Variants in ATXN1 observed in about 807,000 individuals in gnomAD.
The protein encoded by ATXN1 is ataxin-1.
In ATXN1, 8 loss-of-function variants were observed where a neutral mutation model predicts 56.4. The observed-to-expected ratio is 0.14, with a 90% confidence interval of 0.08 to 0.26. ATXN1 has a LOEUF of 0.26. ATXN1 is among the 10% of genes least tolerant of loss of function. ATXN1 has a pLI of 1.00. For missense variants in ATXN1, 987 were observed against 1,106.5 expected (o/e 0.89, Z 1.53); for synonymous variants, 514 against 494.6 (o/e 1.04, Z -0.52).
chr6:16,454,121 GTC>G lies in ATXN1; in HGVS notation c.-161+31849_-161+31850del, dbSNP rs36070865. ...GCCTGGGCAATAAGAGCGAGACTCT[GTC>G]TCAAAAAAAAAAAAAAAAAAAAAAA... On this transcript the variant is annotated intron_variant, in intron 6 of 7. Coordinates refer to ENST00000436367, the MANE Select transcript of ATXN1 (RefSeq NM_001128164.2). Among the ~76,000 whole-genome samples the G allele has an allele frequency of 4.0e-3, 283 of 70,954 alleles. 6 individuals are homozygous for G. The highest frequency in any genetic ancestry group is 0.019 in the Middle Eastern group (2 of 104). 46.5% of individuals were successfully genotyped at this position (70,954 alleles called of 152,430 possible).
In ATXN1 at chr6:16,534,878, G is replaced by A. The variant is rs114920290; in HGVS notation, c.-360-12190C>T. Among the ~76,000 whole-genome samples, 391 of 152,300 alleles carry A rather than the reference G, an allele frequency of 2.6e-3. 2 individuals carry two copies. Among genetic ancestry groups the A allele is most frequent in the African/African-American group, 8.9e-3 (369 of 41,574 alleles). ...TCTTTGAATGCTCTTAGGCTAGGTCGCACCAGCCCTTCTGTATTCTGATTT... is the reference window on the plus strand; with the variant it reads ...TCTTTGAATGCTCTTAGGCTAGGTCACACCAGCCCTTCTGTATTCTGATTT... On this transcript the variant is annotated intron_variant, in intron 4 of 7. Coordinates refer to ENST00000436367, the MANE Select transcript of ATXN1 (RefSeq NM_001128164.2).
intron 2 of ATXN1, among the ~76,000 whole-genome samples, chr6:16,687,570 C>T (rs1181896456): frequency 2.7e-5 from 4 of 149,248 alleles, no homozygotes; most frequent in South Asian, 2.1e-4. Context: ...AGTTTAGAAA[C>T]GGATTTAGAA....
chr6:16,584,243 TACACACACACAC>T (rs368108414), intron 4 of ATXN1, among the ~76,000 whole-genome samples: 5 of 118,498 alleles, frequency 4.2e-5, no homozygotes, highest in African/African-American at 1.3e-4. Context: ...TATATATATA[TACACACACACAC>T]ACACACACAC....
At chr6:16,521,641 G>C (rs1388591094) in intron 5 of ATXN1, among the ~76,000 whole-genome samples, 2 of 152,208 alleles carry the variant, frequency 1.3e-5, no homozygotes, top group African/African-American at 4.8e-5. Flanking sequence ...TTCAATATAG[G>C]AACCCTGTTA....
chr6:16,367,559 C>T (rs971042865), intron 6 of ATXN1, among the ~76,000 whole-genome samples: 3 of 152,152 alleles, frequency 2.0e-5, no homozygotes, highest in Non-Finnish European at 4.4e-5. Context: ...CAGAAACATG[C>T]GATCACGGCT....
chr6:16,700,640 A>C (rs925341817), intron 2 of ATXN1, among the ~76,000 whole-genome samples: 1 of 152,078 alleles, frequency 6.6e-6, no homozygotes, highest in Non-Finnish European at 1.5e-5. Flanking sequence ...CCCCAGCTTC[A>C]GCCTCCTTTG....
chr6:16,408,066 T>C (rs1409427355), intron 6 of ATXN1, among the ~76,000 whole-genome samples: 1 of 152,042 alleles, frequency 6.6e-6, no homozygotes, highest in Admixed American at 6.5e-5. Flanking sequence ...ACATTAGGAA[T>C]ATCTACCAAC....
At chr6:16,519,403 C>A (rs974434080) in intron 5 of ATXN1, among the ~76,000 whole-genome samples, 1 of 152,126 alleles carries the variant, frequency 6.6e-6, no homozygotes, top group Admixed American at 6.5e-5. Context: ...AATGTGAAAG[C>A]CCCAACCACA....
At chr6:16,416,971 G>A (rs1039201862) in intron 6 of ATXN1, among the ~76,000 whole-genome samples, 5 of 152,116 alleles carry the variant, frequency 3.3e-5, no homozygotes, top group African/African-American at 1.2e-4. Context: ...TAAATCCTGG[G>A]GCTCAACAGG....
intron 4 of ATXN1, among the ~76,000 whole-genome samples, chr6:16,579,205 T>C (rs966252599): frequency 2.0e-5 from 3 of 152,106 alleles, no homozygotes; most frequent in African/African-American, 7.2e-5. Context: ...GTTTGTTTTA[T>C]TGTCTATCCT....
chr6:16,559,856 A>G (rs1000512927), intron 4 of ATXN1, among the ~76,000 whole-genome samples: 1 of 148,226 alleles, frequency 6.7e-6, no homozygotes, highest in African/African-American at 2.5e-5. Flanking sequence ...AGTATGTTTA[A>G]TAAAAAAAAA....
chr6:16,592,014 G>T (rs781453448), intron 3 of ATXN1, among the ~76,000 whole-genome samples: 1 of 152,048 alleles, frequency 6.6e-6, no homozygotes, highest in Admixed American at 6.6e-5. Context: ...TTCCCCAGGG[G>T]CCCCTGGGTG....
At chr6:16,638,965 G>C (rs1012469032) in intron 3 of ATXN1, among the ~76,000 whole-genome samples, 6 of 152,164 alleles carry the variant, frequency 3.9e-5, no homozygotes, top group African/African-American at 1.4e-4. Flanking sequence ...GGGTCGAGTG[G>C]GGACTTGGAG....
chr6:16,331,054 GCAATGTGC>G (rs1304922124), intron 6 of ATXN1, among the ~76,000 whole-genome samples: 1 of 152,262 alleles, frequency 6.6e-6, no homozygotes, highest in Admixed American at 6.5e-5. Flanking sequence ...AGGCTGGAGG[GCAATGTGC>G]CAATCTCGGC....
At chr6:16,478,437 G>A (rs1581789572) in intron 6 of ATXN1, among the ~76,000 whole-genome samples, 1 of 152,356 alleles carries the variant, frequency 6.6e-6, no homozygotes, top group Middle Eastern at 3.4e-3. Flanking sequence ...CATTGAGGTT[G>A]CCAAACAGAA....
chr6:16,302,940 C>T lies in ATXN1; in HGVS notation c.*3389G>A, dbSNP rs1760147022. 1 of 152,646 alleles carries T rather than the reference C, an allele frequency of 6.6e-6. No homozygotes were observed. Among genetic ancestry groups the T allele is most frequent in the African/African-American group, 2.4e-5 (1 of 41,456 alleles). 9.5% of individuals were successfully genotyped at this position (152,646 alleles called of 1,614,324 possible). ...GCTGCTCTGGGAGCCTCGGGGCCCG[C>T]CAACGTCTGCAAACAGGAGGCTCCT... On this transcript the variant is annotated 3_prime_UTR_variant, in exon 8 of 8. Transcript: ENST00000436367.
intron 6 of ATXN1, among the ~76,000 whole-genome samples, chr6:16,371,148 C>T (rs1698731158): frequency 6.6e-6 from 1 of 152,034 alleles, no homozygotes. Context: ...TGCATACCAT[C>T]GTCTAAGAAT....
intron 6 of ATXN1, chr6:16,432,420 G>A (rs1210623747): frequency 1.3e-5 from 2 of 152,186 alleles, no homozygotes; most frequent in Non-Finnish European, 2.9e-5. Flanking sequence ...TATACTAAAT[G>A]TCAATTTCCT....
intron 7 of ATXN1, among the ~76,000 whole-genome samples, chr6:16,319,466 A>G (rs1760595084): frequency 6.6e-6 from 1 of 152,190 alleles, no homozygotes; most frequent in Non-Finnish European, 1.5e-5. Context: ...CAAATAGTTG[A>G]TGCATAAGGG....
Sources: gnomAD v4.1 joint callset for allele counts (sites outside exome capture counted in the v4.1 genomes callset) on GRCh38, gnomAD v4.1.1 for gene constraint, MANE v1.5 for transcripts, NCBI Gene and HGNC (gene_info 2026-07-23, HGNC 2026-07-21) for gene names.